Variants in RBFOX1 observed in about 807,000 individuals in gnomAD.
RBFOX1 encodes the protein RNA binding fox-1 homolog 1, also known as RNA binding protein fox-1 homolog 1.
Under a neutral mutation model 57.7 loss-of-function variants are expected in RBFOX1, and 8 were observed. The ratio of observed to expected loss-of-function variants is 0.14; its 90% CI spans 0.08 to 0.25. RBFOX1 has a LOEUF of 0.25. Ranked by LOEUF, RBFOX1 falls within the 10% of genes least tolerant of loss-of-function variation. The probability of loss-of-function intolerance (pLI) is 1.00; values close to 1 mark genes in which losing one functional copy is unlikely to be tolerated. For missense variants in RBFOX1, 611 were observed against 548.5 expected (o/e 1.11, Z -1.14); for synonymous variants, 326 against 222.4 (o/e 1.47, Z -4.15).
intron 3 of RBFOX1, among the ~76,000 whole-genome samples, chr16:5,753,976 G>GTAGCCT (rs940453291): frequency 2.0e-5 from 3 of 152,090 alleles, no homozygotes; most frequent in Admixed American, 2.0e-4. Context: ...GCCTCTCCAC[G>GTAGCCT]TAGCCTTTCT....
chr16:5,534,715 C>G (rs971758139), intron 2 of RBFOX1, among the ~76,000 whole-genome samples: 2 of 152,182 alleles, frequency 1.3e-5, no homozygotes, highest in African/African-American at 4.8e-5. Context: ...CACGTGTTAA[C>G]CTTCCCTGGG....
At chr16:6,228,308 A>G (rs2097432458) in intron 1 of RBFOX1, among the ~76,000 whole-genome samples, 1 of 152,082 alleles carries the variant, frequency 6.6e-6, no homozygotes, top group African/African-American at 2.4e-5. Flanking sequence ...GGGTGGCAGA[A>G]TGAGACTCCT....
intron 2 of RBFOX1, among the ~76,000 whole-genome samples, chr16:6,613,024 TGTGTGTGTGTGTGTGTGTGA>T (rs1434017640): frequency 6.6e-6 from 1 of 150,708 alleles, no homozygotes; most frequent in Non-Finnish European, 1.5e-5. Context: ...TGTGTGTGTG[TGTGTGTGTGTGTGTGTGTGA>T]GTGTGTGTGT....
At chr16:6,958,703 C>T (rs1050805984) in intron 3 of RBFOX1, among the ~76,000 whole-genome samples, 3 of 152,110 alleles carry the variant, frequency 2.0e-5, no homozygotes, top group South Asian at 4.1e-4. Flanking sequence ...CTAATGAACT[C>T]CCTCTTCATG....
At chr16:7,398,332 C>T (rs889469268) in intron 4 of RBFOX1, among the ~76,000 whole-genome samples, 6 of 152,196 alleles carry the variant, frequency 3.9e-5, no homozygotes, top group Admixed American at 2.0e-4. Context: ...CTTTCTTCAT[C>T]TGTAAGATGG....
chr16:7,449,368 G>A (rs955734668), intron 4 of RBFOX1, among the ~76,000 whole-genome samples: 1 of 152,190 alleles, frequency 6.6e-6, no homozygotes, highest in Non-Finnish European at 1.5e-5. Context: ...AAAGTAGTCA[G>A]TGGGGGAGAA....
chr16:6,910,761 C>A (rs1209666309), intron 3 of RBFOX1, among the ~76,000 whole-genome samples: 1 of 152,192 alleles, frequency 6.6e-6, no homozygotes. Context: ...GAAGATTACA[C>A]AGCAAAACCA....
At chr16:7,631,473 C>T (rs1051766246) in intron 11 of RBFOX1, among the ~76,000 whole-genome samples, 1 of 152,200 alleles carries the variant, frequency 6.6e-6, no homozygotes, top group African/African-American at 2.4e-5. Flanking sequence ...CTGACTCTAC[C>T]ATGTTCTCCC....
intron 2 of RBFOX1, among the ~76,000 whole-genome samples, chr16:6,408,061 C>A (rs895150610): frequency 6.6e-6 from 1 of 152,108 alleles, no homozygotes; most frequent in African/African-American, 2.4e-5. Context: ...TTTGAGGACA[C>A]ACAGAAGGCA....
At chr16:7,490,027 G>A (rs1413488742) in intron 4 of RBFOX1, among the ~76,000 whole-genome samples, 1 of 152,130 alleles carries the variant, frequency 6.6e-6, no homozygotes, top group Non-Finnish European at 1.5e-5. Context: ...AGGTAGACCT[G>A]TGTCTCCCCA....
At chr16:6,702,459 CAGG>C (rs1277705719) in intron 3 of RBFOX1, among the ~76,000 whole-genome samples, 1 of 151,900 alleles carries the variant, frequency 6.6e-6, no homozygotes, top group Non-Finnish European at 1.5e-5. Context: ...GAGGCTGAGG[CAGG>C]AGAATTGCTT....
intron 4 of RBFOX1, among the ~76,000 whole-genome samples, chr16:5,932,099 C>A (rs1370875351): frequency 6.6e-6 from 1 of 152,212 alleles, no homozygotes; most frequent in Non-Finnish European, 1.5e-5. Flanking sequence ...GCCACTGTGC[C>A]TGGCCTTGTA....
intron 9 of RBFOX1, among the ~76,000 whole-genome samples, chr16:7,600,232 G>A (rs576392970): frequency 1.8e-4 from 28 of 152,268 alleles, no homozygotes; most frequent in Admixed American, 3.3e-4. Flanking sequence ...CACATACTGT[G>A]TATGGCACCT....
At chr16:5,559,718 G>T (rs1252528952) in intron 2 of RBFOX1, among the ~76,000 whole-genome samples, 3 of 152,050 alleles carry the variant, frequency 2.0e-5, no homozygotes, top group Admixed American at 2.0e-4. Context: ...TTCTTCCTAG[G>T]TCATTCTGTC....
At chr16:6,558,050 G>A (rs2097129297) in intron 2 of RBFOX1, among the ~76,000 whole-genome samples, 1 of 151,996 alleles carries the variant, frequency 6.6e-6, no homozygotes, top group African/African-American at 2.4e-5. Flanking sequence ...CATAAATTAG[G>A]CTCTTTTTTA....
At chr16:6,156,432 G>A (rs2096838906) in intron 1 of RBFOX1, among the ~76,000 whole-genome samples, 1 of 152,218 alleles carries the variant, frequency 6.6e-6, no homozygotes, top group Non-Finnish European at 1.5e-5. Flanking sequence ...CCAGTGATTT[G>A]TCTTGGATGA....
At chr16:7,675,879 C>A (rs2073125268) in intron 13 of RBFOX1, among the ~76,000 whole-genome samples, 1 of 152,170 alleles carries the variant, frequency 6.6e-6, no homozygotes, top group African/African-American at 2.4e-5. Flanking sequence ...GTGCTGAGTT[C>A]ATTGTACACT....
intron 3 of RBFOX1, among the ~76,000 whole-genome samples, chr16:5,699,387 CCTG>C (rs2050956012): frequency 8.9e-6 from 1 of 112,286 alleles, no homozygotes; most frequent in Non-Finnish European, 2.0e-5. Flanking sequence ...TTTTTTTTCT[CCTG>C]CTCTTGGGTC....
At chr16:6,379,774 G>C (rs541820953) in intron 2 of RBFOX1, among the ~76,000 whole-genome samples, 3 of 152,092 alleles carry the variant, frequency 2.0e-5, no homozygotes, top group African/African-American at 7.2e-5. Flanking sequence ...TCATTGATGA[G>C]AAACTAGAGA....
Sources: gnomAD v4.1 joint callset for allele counts (sites outside exome capture counted in the v4.1 genomes callset) on GRCh38, gnomAD v4.1.1 for gene constraint, MANE v1.5 for transcripts, NCBI Gene and HGNC (gene_info 2026-07-23, HGNC 2026-07-21) for gene names.